The following PCDH7 variants were observed in gnomAD, a reference collection of about 807,000 sequenced individuals.
The protein encoded by PCDH7 is protocadherin 7, also known as protocadherin-7.
A neutral mutation model predicts 58.9 loss-of-function variants in PCDH7; 17 were observed. The ratio of observed to expected loss-of-function variants is 0.29; its 90% confidence interval spans 0.20 to 0.43. The LOEUF (loss-of-function observed/expected upper bound fraction) is 0.43, where lower values mean the gene tolerates loss of function less well. Ranked by LOEUF, PCDH7 falls within the 20% of genes least tolerant of loss-of-function variation. The probability of loss-of-function intolerance (pLI) is 1.00; values close to 1 mark genes in which losing one functional copy is unlikely to be tolerated. For synonymous variants in PCDH7, 664 were observed against 616.4 expected (o/e 1.08, Z -1.14); for missense variants, 1,274 against 1,441.0 (o/e 0.88, Z 1.88).
In PCDH7 at chr4:30,832,055, C is replaced by T. The variant is rs369065586; in HGVS notation, c.71-88098C>T. 5.5e-4 allele frequency among the ~76,000 whole-genome samples: 83 copies of T among 152,284 alleles called. 1 individual carries two copies. The highest frequency in any genetic ancestry group is 6.8e-3 in the Middle Eastern group (2 of 294). On this transcript the variant is annotated intron_variant, in intron 1 of 3. Coordinates refer to the PCDH7 transcript ENST00000509759. ...CTTTAGAAAAGCACAGTAACTCATA[C>T]ATGACTCAATGAGATTTGTTCAATT...
At chr4:31,030,791 G>A (rs2109185648) in intron 3 of PCDH7, among the ~76,000 whole-genome samples, 1 of 152,256 alleles carries the variant, frequency 6.6e-6, no homozygotes, top group African/African-American at 2.4e-5. Flanking sequence ...CCATTCTTCA[G>A]ATTGGTGAAC....
At position 30,722,784 on chromosome 4, in the gene PCDH7, GA is replaced by G; in HGVS notation, c.1364del (p.Asn455ThrfsTer67). ...AGGTGTCCGACCGAGACCAAGGCGA[GA>G]ACGGGGTGGTCACCTGCACCGTGGT... is the stretch of plus-strand genomic sequence containing the variant. On this transcript the variant is annotated frameshift_variant, in exon 1 of 2. Transcript: ENST00000361762. LOFTEE classifies it high-confidence loss of function. This position sits in a 1 kb window ranked among gnomAD's most constrained non-coding sequence, Gnocchi z 7.6. 1 of 1,613,670 alleles carries G rather than the reference GA, an allele frequency of 6.2e-7. No individual in the cohort carries two copies. The highest frequency in any genetic ancestry group is 8.5e-7 in the Non-Finnish European group (1 of 1,180,046).
intron 3 of PCDH7, among the ~76,000 whole-genome samples, chr4:31,099,521 A>G (rs1288505137): frequency 6.6e-6 from 1 of 152,224 alleles, no homozygotes; most frequent in Non-Finnish European, 1.5e-5. Context: ...TTCAACACAC[A>G]CAAATGTATA....
chr4:30,956,259 T>C (rs1414931431), intron 3 of PCDH7, among the ~76,000 whole-genome samples: 1 of 151,798 alleles, frequency 6.6e-6, no homozygotes, highest in African/African-American at 2.4e-5. Flanking sequence ...CCAATGCTAA[T>C]GGTCTGTTGT....
At chr4:31,022,960 G>A (rs1408395527) in intron 3 of PCDH7, among the ~76,000 whole-genome samples, 2 of 152,156 alleles carry the variant, frequency 1.3e-5, no homozygotes, top group Non-Finnish European at 2.9e-5. Context: ...GGAGAAACAG[G>A]AAATGGAAGT....
intron 1 of PCDH7, among the ~76,000 whole-genome samples, chr4:30,899,639 T>C (rs765258571): frequency 2.0e-5 from 3 of 152,244 alleles, no homozygotes; most frequent in Non-Finnish European, 4.4e-5. Context: ...CCGTTTACTG[T>C]TCACTCCATC....
chr4:31,120,361 T>A (rs1717513113), intron 3 of PCDH7, among the ~76,000 whole-genome samples: 1 of 151,370 alleles, frequency 6.6e-6, no homozygotes, highest in Non-Finnish European at 1.5e-5. Flanking sequence ...CCTTTCCTCT[T>A]TTTATTTTCT....
chr4:30,979,086 G>A (rs1750323492), intron 3 of PCDH7, among the ~76,000 whole-genome samples: 1 of 151,946 alleles, frequency 6.6e-6, no homozygotes, highest in Non-Finnish European at 1.5e-5. Flanking sequence ...AAAAAAATTG[G>A]GGGGCCGAGG....
At chr4:30,882,175 C>T in intron 1 of PCDH7, among the ~76,000 whole-genome samples, 1 of 147,562 alleles carries the variant, frequency 6.8e-6, no homozygotes, top group Non-Finnish European at 1.5e-5. Flanking sequence ...CCCTCTCTTC[C>T]CCTTCCTCTT....
At chr4:30,929,979 A>G (rs1424440269) in intron 2 of PCDH7, among the ~76,000 whole-genome samples, 1 of 152,228 alleles carries the variant, frequency 6.6e-6, no homozygotes, top group Non-Finnish European at 1.5e-5. Context: ...TTCAATGACC[A>G]TTTGTTGAGT....
chr4:31,138,847 G>A (rs1019923609), intron 3 of PCDH7, among the ~76,000 whole-genome samples: 22 of 151,738 alleles, frequency 1.4e-4, no homozygotes, highest in African/African-American at 3.9e-4. Flanking sequence ...GTAGTGGTGC[G>A]CGCCTATAAC....
chr4:31,069,226 T>G (rs1228944273), intron 3 of PCDH7, among the ~76,000 whole-genome samples: 1 of 152,018 alleles, frequency 6.6e-6, no homozygotes, highest in African/African-American at 2.4e-5. Flanking sequence ...AGCAGCCCTA[T>G]GCCAACTGTT....
chr4:31,051,833 T>G (rs966765536), intron 3 of PCDH7, among the ~76,000 whole-genome samples: 21 of 133,850 alleles, frequency 1.6e-4, no homozygotes, highest in East Asian at 1.0e-3. Flanking sequence ...TGGGTGTGTG[T>G]GGGGGGCGGG....
intron 2 of PCDH7, among the ~76,000 whole-genome samples, chr4:30,946,536 T>C (rs1746700752): frequency 6.7e-6 from 1 of 149,296 alleles, no homozygotes; most frequent in Admixed American, 6.7e-5. Context: ...CTTTTTTTTT[T>C]CTTTTCTGCA....
intron 1 of PCDH7, among the ~76,000 whole-genome samples, chr4:30,727,926 A>G (rs1714858550): frequency 6.6e-6 from 1 of 151,896 alleles, no homozygotes; most frequent in Non-Finnish European, 1.5e-5. Flanking sequence ...TAGATAATGC[A>G]CTTACAAGTA....
chr4:30,765,418 G>T (rs1256810842), intron 1 of PCDH7, among the ~76,000 whole-genome samples: 1 of 152,078 alleles, frequency 6.6e-6, no homozygotes, highest in African/African-American at 2.4e-5. Context: ...TCTGGAATGC[G>T]TGTTTTAGTA....
chr4:31,073,690 T>C (rs1560623021), intron 3 of PCDH7, among the ~76,000 whole-genome samples: 1 of 152,188 alleles, frequency 6.6e-6, no homozygotes, highest in Admixed American at 6.5e-5. Flanking sequence ...TACTAATCAA[T>C]GATGTATAAT....
chr4:30,879,175 C>A (rs1047061569), intron 1 of PCDH7, among the ~76,000 whole-genome samples: 2 of 151,936 alleles, frequency 1.3e-5, no homozygotes, highest in Admixed American at 6.6e-5. Flanking sequence ...CCCTCCCTCC[C>A]TTTATTCCTC....
intron 3 of PCDH7, among the ~76,000 whole-genome samples, chr4:31,134,450 C>T (rs1410773917): frequency 2.6e-5 from 4 of 152,126 alleles, no homozygotes; most frequent in African/African-American, 9.7e-5. Context: ...CAGAGCTAGA[C>T]TCCATCTCAA....
Sources: gnomAD v4.1 joint callset for allele counts (sites outside exome capture counted in the v4.1 genomes callset) on GRCh38, gnomAD v4.1.1 for gene constraint, Gnocchi (gnomAD v3.1) non-coding constraint, MANE v1.5 for transcripts, NCBI Gene and HGNC (gene_info 2026-07-23, HGNC 2026-07-21) for gene names.